The following KCNT2 variants were observed in gnomAD, a reference collection of about 807,000 sequenced individuals.
KCNT2 encodes potassium sodium-activated channel subfamily T member 2, also known as potassium channel subfamily T member 2.
In KCNT2, 67 loss-of-function variants were observed where a neutral mutation model predicts 153.8. The observed-to-expected ratio is 0.44, with a 90% CI of 0.36 to 0.53. KCNT2 has a LOEUF of 0.53. Among genes scored for constraint, KCNT2 ranks in the 20% least tolerant of loss-of-function variants. The probability of loss-of-function intolerance (pLI) is 0.00; values close to 1 mark genes in which losing one functional copy is unlikely to be tolerated. For synonymous variants in KCNT2, 500 were observed against 458.8 expected (o/e 1.09, Z -1.15); for missense variants, 975 against 1,354.8 (o/e 0.72, Z 4.40).
chr1:196,420,010 C>G (rs1013044826), intron 12 of KCNT2, among the ~76,000 whole-genome samples: 2 of 151,954 alleles, frequency 1.3e-5, no homozygotes, highest in Non-Finnish European at 2.9e-5. Flanking sequence ...TAAATTCCTA[C>G]TATATTGATA....
At chr1:196,326,690 T>A in intron 19 of KCNT2, 27 bp downstream of exon 19, 1 of 1,365,374 alleles carries the variant, frequency 7.3e-7, no homozygotes, top group Non-Finnish European at 9.8e-7. Flanking sequence ...CAGTTTATCT[T>A]GTTTGTGTAT....
intron 14 of KCNT2, among the ~76,000 whole-genome samples, chr1:196,371,745 T>G (rs1668557579): frequency 6.6e-6 from 1 of 152,246 alleles, no homozygotes; most frequent in Admixed American, 6.6e-5. Flanking sequence ...AGTATAATTC[T>G]TTTTCACCAG....
chr1:196,327,026 C>A, intron 18 of KCNT2, 137 bp from the exon 19 acceptor site: 1 of 563,762 alleles, frequency 1.8e-6, no homozygotes, highest in East Asian at 3.4e-5. Context: ...AAAATAGTTA[C>A]ATTTTTCTGT....
chr1:196,567,609 G>A (rs1488349071), intron 1 of KCNT2, among the ~76,000 whole-genome samples: 1 of 152,076 alleles, frequency 6.6e-6, no homozygotes, highest in Non-Finnish European at 1.5e-5. Context: ...AATTCACATG[G>A]GACTATGTTC....
chr1:196,320,774 A>T (rs1284571974), intron 19 of KCNT2, among the ~76,000 whole-genome samples: 1 of 151,566 alleles, frequency 6.6e-6, no homozygotes, highest in Non-Finnish European at 1.5e-5. Flanking sequence ...TTCTCCTATC[A>T]TTAATTTTCT....
intron 26 of KCNT2, among the ~76,000 whole-genome samples, chr1:196,246,139 G>T (rs915940456): frequency 6.6e-6 from 1 of 152,084 alleles, no homozygotes; most frequent in African/African-American, 2.4e-5. Flanking sequence ...AATATATCTG[G>T]GAGCAGACTT....
In KCNT2 at chr1:196,602,770, A is replaced by ATTTT. The variant is rs148932905; in HGVS notation, c.95+5441_95+5444dup. Among the ~76,000 whole-genome samples, 35 of 84,628 alleles carry ATTTT rather than the reference A, an allele frequency of 4.1e-4. 6 individuals are homozygous for ATTTT. The highest frequency in any genetic ancestry group is 1.6e-3 in the African/African-American group (31 of 18,896). The allele number at this position is 84,628 out of a possible 152,430, so 55.5% of individuals were successfully genotyped here. On this transcript the variant is annotated intron_variant, in intron 1 of 27. Coordinates refer to ENST00000294725, the MANE Select transcript of KCNT2 (RefSeq NM_198503.5). ...ATTACACTATATATATTCAAAGTCT[A>ATTTT]TTTTTTTTTTTTTTTTTTTTTTTTT...
chr1:196,241,006 A>C (rs1320554703), intron 26 of KCNT2, among the ~76,000 whole-genome samples: 1 of 151,972 alleles, frequency 6.6e-6, no homozygotes, highest in Non-Finnish European at 1.5e-5. Flanking sequence ...AAAAGGGGCG[A>C]GGAAGAGAGA....
intron 26 of KCNT2, among the ~76,000 whole-genome samples, chr1:196,255,690 T>C (rs1391693061): frequency 6.6e-6 from 1 of 151,884 alleles, no homozygotes; most frequent in Non-Finnish European, 1.5e-5. Flanking sequence ...GTAGTTTGGA[T>C]CAGTTTCCAT....
chr1:196,505,752 T>A (rs1681083979), intron 1 of KCNT2, among the ~76,000 whole-genome samples: 1 of 151,998 alleles, frequency 6.6e-6, no homozygotes, highest in Admixed American at 6.6e-5. Flanking sequence ...TATCCTCTTT[T>A]ATTTCATTGA....
At chr1:196,379,565 T>TTCTCTC (rs67709356) in intron 13 of KCNT2, among the ~76,000 whole-genome samples, 4,532 of 136,088 alleles carry the variant, frequency 0.033, 97 homozygotes, top group Middle Eastern at 0.066. Flanking sequence ...CAGTGAGACT[T>TTCTCTC]TCTCTCTCTC....
chr1:196,444,099 A>G (rs1057404398), intron 8 of KCNT2, among the ~76,000 whole-genome samples: 2 of 151,116 alleles, frequency 1.3e-5, no homozygotes, highest in Non-Finnish European at 3.0e-5. Flanking sequence ...AAAACATAAG[A>G]GAGAGAGAGA....
chr1:196,560,413 C>T (rs555071161), intron 1 of KCNT2, among the ~76,000 whole-genome samples: 3 of 151,984 alleles, frequency 2.0e-5, no homozygotes, highest in African/African-American at 7.2e-5. Flanking sequence ...CTTCTCTCTC[C>T]TCCTTTTTCT....
At chr1:196,546,838 G>T (rs1481665696) in intron 1 of KCNT2, among the ~76,000 whole-genome samples, 2 of 151,942 alleles carry the variant, frequency 1.3e-5, no homozygotes, top group Non-Finnish European at 2.9e-5. Context: ...GCAACTTAAG[G>T]CACAATGTAC....
intron 21 of KCNT2, 91 bp downstream of exon 21, chr1:196,315,801 C>G: frequency 8.7e-7 from 1 of 1,144,014 alleles, no homozygotes; most frequent in African/African-American, 1.6e-5. Flanking sequence ...GTTGGTGTGT[C>G]TCATGTTCAT....
chr1:196,317,195 C>A, intron 20 of KCNT2: 1 of 445,876 alleles, frequency 2.2e-6, no homozygotes, highest in East Asian at 7.1e-5. Flanking sequence ...GTCCAAGATC[C>A]CCAGGAGTAG....
intron 21 of KCNT2, among the ~76,000 whole-genome samples, chr1:196,310,898 G>C (rs1386236161): frequency 6.6e-6 from 1 of 151,642 alleles, no homozygotes; most frequent in Admixed American, 6.6e-5. Flanking sequence ...TGAAAATATG[G>C]CTTCTAAATT....
At chr1:196,359,564 A>G (rs576998194) in intron 14 of KCNT2, among the ~76,000 whole-genome samples, 2 of 152,126 alleles carry the variant, frequency 1.3e-5, no homozygotes, top group South Asian at 4.1e-4. Flanking sequence ...TGTGAAAAAC[A>G]TTATGGAAGG....
rs1370279560 is a variant in KCNT2 at position 196,227,976 on chromosome 1, A to G, written c.*248T>C. 2 of 309,002 alleles carry G rather than the reference A, an allele frequency of 6.5e-6. No homozygotes were observed. Among genetic ancestry groups the G allele is most frequent in the African/African-American group, 4.3e-5 (2 of 46,024 alleles). The allele number at this position is 309,002 out of a possible 1,614,324, so 19.1% of individuals were successfully genotyped here. On this transcript the variant is annotated 3_prime_UTR_variant, in exon 28 of 28. Transcript: ENST00000294725. ...TTATTATAAAACAATTAAATGTCAGATTTAAATTTTTGTATTTTAATTTAG... is the reference window on the plus strand; with the variant it reads ...TTATTATAAAACAATTAAATGTCAGGTTTAAATTTTTGTATTTTAATTTAG...
Sources: gnomAD v4.1 joint callset for allele counts (sites outside exome capture counted in the v4.1 genomes callset) on GRCh38, gnomAD v4.1.1 for gene constraint, MANE v1.5 for transcripts, NCBI Gene and HGNC (gene_info 2026-07-23, HGNC 2026-07-21) for gene names.